Variants in ACACA observed in about 807,000 individuals in gnomAD.
ACACA encodes the protein acetyl-CoA carboxylase alpha, also known as acetyl-CoA carboxylase 1.
ACACA carries 103 observed loss-of-function variants against 296.1 expected under a neutral mutation model. The ratio of observed to expected loss-of-function variants is 0.35; its 90% CI spans 0.30 to 0.41. The LOEUF (loss-of-function observed/expected upper bound fraction) is 0.41, where lower values mean the gene tolerates loss of function less well. Ranked by LOEUF, ACACA falls within the 10% of genes least tolerant of loss-of-function variation. ACACA has a pLI of 1.00. For missense variants in ACACA, 1,554 were observed against 2,989.7 expected (o/e 0.52, Z 11.20); for synonymous variants, 953 against 1,038.6 (o/e 0.92, Z 1.58).
At position 37,111,652 on chromosome 17, in the gene ACACA, G is replaced by C. The variant is rs1401733102; in HGVS notation, c.6453-9C>G. 1 of 1,603,806 alleles carries C rather than the reference G, an allele frequency of 6.2e-7. No homozygotes were observed. The highest frequency in any genetic ancestry group is 1.1e-5 in the South Asian group (1 of 90,850). The stretch of plus-strand genomic sequence containing the variant: ...GCTCCAGAACAGATCCCCTGGATCA[G>C]AAAGAAAGAAAAAACAAAACAGAAA... On this transcript the variant is annotated splice_polypyrimidine_tract_variant and intron_variant, in intron 51 of 55. Transcript: ENST00000616317.
chr17:37,224,911 A>G (rs1270085378), intron 27 of ACACA, 81 bp downstream of exon 27: 2 of 573,810 alleles, frequency 3.5e-6, no homozygotes, highest in Non-Finnish European at 5.7e-6. Context: ...GTGACTAATT[A>G]CTTAAACTAT....
intron 33 of ACACA, among the ~76,000 whole-genome samples, chr17:37,202,708 TATATACAC>T (rs1167195309): frequency 0.13 from 2,671 of 20,552 alleles, 38 homozygotes; most frequent in South Asian, 0.27. Context: ...TATATATATA[TATATACAC>T]ACACACATAT....
chr17:37,390,312 A>ATATATAT (rs1568096128), intron 1 of ACACA, among the ~76,000 whole-genome samples: 5 of 42,852 alleles, frequency 1.2e-4, no homozygotes, highest in Non-Finnish European at 1.7e-4. Context: ...AATTATATAT[A>ATATATAT]TATATATATA....
intron 45 of ACACA, among the ~76,000 whole-genome samples, chr17:37,138,315 T>C (rs2075415176): frequency 6.6e-6 from 1 of 152,222 alleles, no homozygotes; most frequent in Non-Finnish European, 1.5e-5. Flanking sequence ...CAGTCTCATT[T>C]CCGCTTCTTT....
intron 1 of ACACA, chr17:37,377,806 A>G: frequency 8.1e-7 from 1 of 1,227,916 alleles, no homozygotes; most frequent in Non-Finnish European, 1.2e-6. Flanking sequence ...AATTCTAAAA[A>G]GTAAGTACCA....
chr17:37,296,602 G>C (rs1241467674), intron 3 of ACACA, among the ~76,000 whole-genome samples: 1 of 151,780 alleles, frequency 6.6e-6, no homozygotes, highest in Non-Finnish European at 1.5e-5. Flanking sequence ...ACCATGCCTC[G>C]CCTGGAGCCT....
chr17:37,234,248 A>C lies in ACACA; in HGVS notation c.3246+727T>G, dbSNP rs540980014. Among the ~76,000 whole-genome samples the C allele has an allele frequency of 9.2e-5, 14 of 152,290 alleles. No homozygotes were observed. The South Asian group carries it at 2.7e-3, about 29-fold the overall frequency. ...GGTGAGGGACTCTAGGAGTAGTCCT[A>C]CTGTACTAATTCCTACAACTAACTC... On this transcript the variant is annotated intron_variant, in intron 25 of 55. Transcript: ENST00000616317.
intron 3 of ACACA, among the ~76,000 whole-genome samples, chr17:37,325,853 C>A (rs565774406): frequency 1.3e-5 from 2 of 151,798 alleles, no homozygotes; most frequent in East Asian, 3.9e-4. Flanking sequence ...GGATTGCAGG[C>A]GTGAGCCACC....
intron 1 of ACACA, among the ~76,000 whole-genome samples, chr17:37,350,092 G>A (rs1286406608): frequency 1.3e-5 from 2 of 152,074 alleles, no homozygotes; most frequent in Admixed American, 6.6e-5. Flanking sequence ...CACTTTCGGA[G>A]GCTGAGGCAT....
chr17:37,281,801 G>A (rs1445839459), intron 5 of ACACA, among the ~76,000 whole-genome samples: 1 of 152,174 alleles, frequency 6.6e-6, no homozygotes, highest in African/African-American at 2.4e-5. Context: ...AGGAGGCGGA[G>A]GTTGCAGTGA....
intron 54 of ACACA, among the ~76,000 whole-genome samples, chr17:37,096,785 G>A (rs1322762394): frequency 4.6e-5 from 7 of 152,154 alleles, no homozygotes; most frequent in African/African-American, 1.7e-4. Flanking sequence ...GATTGCATAA[G>A]CTGCAACATA....
In ACACA at chr17:37,223,566, G is replaced by C. The variant is rs2079394070; in HGVS notation, c.3510C>G (p.Val1170=). 2 of 1,612,028 alleles carry C rather than the reference G, an allele frequency of 1.2e-6. No homozygotes were observed. The highest frequency in any genetic ancestry group is 1.7e-5 in the Admixed American group (1 of 60,000). ...LILSETSIFD[V]LPNFFYHSNQ... ...TGCTGTGATAGAAGAAGTTTGGTAG[G>C]ACATCAAAAATAGATGTTTCTGATA... is the stretch of plus-strand genomic sequence containing the variant. The change falls in exon 28 of 56, where the codon GTC becomes GTG. Residue 1170 remains valine (V), a synonymous_variant. Transcript: ENST00000616317.
chr17:37,134,015 T>C (rs62069493), intron 45 of ACACA, among the ~76,000 whole-genome samples: 3 of 152,338 alleles, frequency 2.0e-5, no homozygotes, highest in East Asian at 3.9e-4. Flanking sequence ...ACTTCATTCA[T>C]TGCAGCCGGC....
chr17:37,403,368 CTTT>C (rs36037660), intron 1 of ACACA, among the ~76,000 whole-genome samples: 258 of 112,122 alleles, frequency 2.3e-3, no homozygotes, highest in African/African-American at 8.0e-3. Flanking sequence ...TTTGCCACAT[CTTT>C]TTTTTTTTTT....
chr17:37,382,898 A>C, intron 1 of ACACA, among the ~76,000 whole-genome samples: 1 of 152,168 alleles, frequency 6.6e-6, no homozygotes, highest in Non-Finnish European at 1.5e-5. Flanking sequence ...TTAGCCAGGC[A>C]TGGAGGCACG....
At chr17:37,188,103 A>C (rs2077606706) in intron 39 of ACACA, among the ~76,000 whole-genome samples, 174 bp downstream of exon 39, 1 of 152,204 alleles carries the variant, frequency 6.6e-6, no homozygotes, top group Admixed American at 6.5e-5. Flanking sequence ...AACATAGGCA[A>C]ATCTTATAAG....
chr17:37,120,632 A>C (rs1306368945), intron 50 of ACACA, among the ~76,000 whole-genome samples: 4 of 152,152 alleles, frequency 2.6e-5, no homozygotes, highest in Non-Finnish European at 5.9e-5. Flanking sequence ...GCATACTCTC[A>C]TACCCTCCAG....
chr17:37,085,555 C>T lies in ACACA; in HGVS notation c.*1761G>A, dbSNP rs1455770271. On this transcript the variant is annotated 3_prime_UTR_variant, in exon 56 of 56. Coordinates refer to ENST00000616317, the MANE Select transcript of ACACA (RefSeq NM_198834.3). ...AGGTAAGCAAATAGCCAGCAATGGT[C>T]AATGCATTTTCCTGGACTGAGAATT... 2.5e-6 allele frequency: 1 copy of T among 398,562 alleles called. No homozygotes were observed. The highest frequency in any genetic ancestry group is 4.4e-5 in the Admixed American group (1 of 22,736). The allele number at this position is 398,562 out of a possible 1,614,324, so 24.7% of individuals were successfully genotyped here.
chr17:37,328,919 C>T (rs954709352), intron 3 of ACACA: 3 of 398,512 alleles, frequency 7.5e-6, no homozygotes, highest in East Asian at 7.1e-5. Context: ...TCTCCCAAGG[C>T]TCCCCGAGGT....
Sources: allele counts gnomAD v4.1 joint callset (sites outside exome capture counted in the v4.1 genomes callset), GRCh38; gene constraint gnomAD v4.1.1; transcripts MANE v1.5; gene names NCBI Gene and HGNC (gene_info 2026-07-23, HGNC 2026-07-21).